The following ICE2 variants were observed in gnomAD, a reference collection of about 807,000 sequenced individuals.
ICE2 encodes interactor of little elongation complex ELL subunit 2.
A neutral mutation model predicts 105.4 loss-of-function variants in ICE2; 87 were observed. The ratio of observed to expected loss-of-function variants is 0.83; its 90% confidence interval spans 0.69 to 0.99. ICE2 has a LOEUF of 0.99. ICE2 is among the 50% of genes least tolerant of loss of function. ICE2 has a pLI of 0.00. For synonymous variants in ICE2, 399 were observed against 392.0 expected, an observed-to-expected ratio of 1.02 and a Z score of -0.21; for missense variants, 1,323 against 1,146.7, an observed-to-expected ratio of 1.15 and a Z score of -2.22.
intron 5 of ICE2, among the ~76,000 whole-genome samples, chr15:60,463,701 C>A (rs2064342518): frequency 6.6e-6 from 1 of 152,180 alleles, no homozygotes; most frequent in Non-Finnish European, 1.5e-5. Flanking sequence ...ACCCTGGAGG[C>A]AGAGGTTGCA....
In ICE2 at chr15:60,428,539, C is replaced by A; in HGVS notation, c.2710G>T (p.Val904Phe). 1 of 1,614,074 alleles carries A rather than the reference C, an allele frequency of 6.2e-7. No individual in the cohort carries two copies. The highest frequency in any genetic ancestry group is 1.1e-5 in the South Asian group (1 of 91,068). Reference sequence around the variant, plus strand: ...CTGGGATCTAATGGGACCCAGGGAACTGAGAGACTGGAAGGTACACCAGGA... The same window carrying A: ...CTGGGATCTAATGGGACCCAGGGAAATGAGAGACTGGAAGGTACACCAGGA... ...GLPGVPSSLS[V>F]PWVPLDPSLL... is the part of the protein sequence containing the mutation. Residue 904 changes from valine to phenylalanine, a missense_variant, in exon 15 of 16, where the codon GTT (valine) becomes TTT (phenylalanine). Val to Phe is a conservative substitution (Grantham distance 50). Transcript: ENST00000261520.
At chr15:60,441,053 T>C (rs2063709144) in intron 12 of ICE2, 1 of 152,186 alleles carries the variant, frequency 6.6e-6, no homozygotes, top group African/African-American at 2.4e-5. Context: ...CTCCATTCTC[T>C]GTCAGTACTT....
At chr15:60,472,919 A>C (rs1168741824) in intron 3 of ICE2, among the ~76,000 whole-genome samples, 1 of 152,054 alleles carries the variant, frequency 6.6e-6, no homozygotes, top group African/African-American at 2.4e-5. Context: ...AGTTCAAATA[A>C]GTTGTTTTTT....
At chr15:60,438,223 T>C (rs1458172384) in intron 12 of ICE2, 1 of 152,176 alleles carries the variant, frequency 6.6e-6, no homozygotes, top group Admixed American at 6.5e-5. Flanking sequence ...GATGAGAATA[T>C]AAGACGTATC....
chr15:60,456,353 G>C (rs949618130), intron 6 of ICE2, among the ~76,000 whole-genome samples: 7 of 149,282 alleles, frequency 4.7e-5, no homozygotes, highest in African/African-American at 9.8e-5. Context: ...GACCAGCCTG[G>C]CCAACATGGT....
At chr15:60,463,163 T>C (rs1004547139) in intron 5 of ICE2, among the ~76,000 whole-genome samples, 3 of 152,220 alleles carry the variant, frequency 2.0e-5, no homozygotes, top group African/African-American at 7.2e-5. Flanking sequence ...TATGCATCTT[T>C]AATTCATTAC....
chr15:60,452,914 C>T, intron 9 of ICE2: 1 of 985,408 alleles, frequency 1.0e-6, no homozygotes, highest in Non-Finnish European at 1.2e-6. Context: ...TTAAGCTCAC[C>T]TGTTCCTTTT....
intron 12 of ICE2, 101 bp downstream of exon 12, chr15:60,442,314 CG>C (rs1227581786): frequency 1.8e-6 from 2 of 1,099,590 alleles, no homozygotes; most frequent in Non-Finnish European, 2.6e-6. Flanking sequence ...TAAATAAAAA[CG>C]AAAGTAAAAA....
In ICE2 at chr15:60,449,702, G is replaced by A; in HGVS notation, c.1265C>T (p.Thr422Ile). The A allele has an allele frequency of 1.2e-6, 2 of 1,614,146 alleles. No individual in the cohort carries two copies. The highest frequency in any genetic ancestry group is 2.2e-5 in the East Asian group (1 of 44,888). The change falls in exon 10 of 16, where the codon ACT becomes ATT. Residue 422 changes from threonine (T) to isoleucine (I), a missense_variant. Coordinates refer to ENST00000261520, the MANE Select transcript of ICE2 (RefSeq NM_024611.6). ...KVSKSPSPAS[T>I]STVPNMTDAP... ...ATCTGTCATGTTAGGTACTGTGGAA[G>A]TACTTGCTGGACTTGGTGATTTTGA... is the stretch of plus-strand genomic sequence containing the variant.
At chr15:60,466,409 T>C (rs1403741487) in intron 5 of ICE2, among the ~76,000 whole-genome samples, 185 bp downstream of exon 5, 1 of 152,216 alleles carries the variant, frequency 6.6e-6, no homozygotes, top group Admixed American at 6.5e-5. Flanking sequence ...AAAAATATAC[T>C]ATAGTACACA....
chr15:60,456,580 T>TACACAC lies in ICE2; in HGVS notation c.666+76_666+77insGTGTGT, dbSNP rs878893449. On this transcript the variant is annotated intron_variant, in intron 6 of 15. Transcript: ENST00000261520. ...ATAAATAAATAAATATATATATATA[T>TACACAC]ATATACACACACACACACACACACA... 661 of 118,694 alleles carry TACACAC rather than the reference T, an allele frequency of 5.6e-3. 3 individuals are homozygous for TACACAC. Among genetic ancestry groups the TACACAC allele is most frequent in the East Asian group, 0.023 (49 of 2,174 alleles). 7.4% of individuals were successfully genotyped at this position (118,694 alleles called of 1,614,324 possible).
At position 60,468,434 on chromosome 15, in the gene ICE2, A is replaced by G. The variant is rs958103707; in HGVS notation, c.147-112T>C. The stretch of plus-strand genomic sequence containing the variant: ...GAATATAGCGTGATTAACAGAGTAA[A>G]CTCTGGATTATTATCTAACTCTGCC... On this transcript the variant is annotated intron_variant, in intron 3 of 15. Coordinates refer to ENST00000261520, the MANE Select transcript of ICE2 (RefSeq NM_024611.6). 19 of 805,844 alleles carry G rather than the reference A, an allele frequency of 2.4e-5. No homozygotes were observed. The African/African-American group carries it at 2.4e-4, about 10-fold the overall frequency. 49.9% of individuals were successfully genotyped at this position (805,844 alleles called of 1,614,324 possible).
At chr15:60,431,124 G>A (rs1003522701) in intron 14 of ICE2, among the ~76,000 whole-genome samples, 6 of 151,774 alleles carry the variant, frequency 4.0e-5, no homozygotes, top group Admixed American at 3.9e-4. Flanking sequence ...CGCCTACCTC[G>A]GCCTCCCAAA....
At chr15:60,437,422 C>T (rs1379531592) in intron 12 of ICE2, among the ~76,000 whole-genome samples, 1 of 151,596 alleles carries the variant, frequency 6.6e-6, no homozygotes, top group Non-Finnish European at 1.5e-5. Context: ...GCAACTTCTG[C>T]CTCCTCAGTT....
At position 60,468,041 on chromosome 15, in the gene ICE2, C is replaced by G. The variant is rs762378513; in HGVS notation, c.408+20G>C. 1.3e-6 allele frequency: 2 copies of G among 1,482,188 alleles called. No homozygotes were observed. The highest frequency in any genetic ancestry group is 1.8e-6 in the Non-Finnish European group (2 of 1,110,040). 91.8% of individuals were successfully genotyped at this position (1,482,188 alleles called of 1,614,324 possible). ...TAATTTTTATTATTTTTTCCTGAAA[C>G]TGAAGAACACAATACATACCAAGTA... is the stretch of plus-strand genomic sequence containing the variant. On this transcript the variant is annotated intron_variant, in intron 4 of 15. Coordinates refer to ENST00000261520, the MANE Select transcript of ICE2 (RefSeq NM_024611.6).
chr15:60,448,798 G>T (rs1566985073), intron 10 of ICE2, 50 bp downstream of exon 10: 1 of 1,483,930 alleles, frequency 6.7e-7, no homozygotes, highest in East Asian at 2.3e-5. Flanking sequence ...AAAAACCTAA[G>T]GAAAAAGAAC....
chr15:60,445,605 T>A lies in ICE2; in HGVS notation c.2295+2365A>T, dbSNP rs915703818. ...TTTAGGGTGTGACTATTTTGACATA[T>A]TTTGATGAAGAATGAATTTTCTTCT... On this transcript the variant is annotated intron_variant, in intron 11 of 15. Transcript: ENST00000261520. 3.1e-6 allele frequency: 3 copies of A among 969,954 alleles called. No homozygotes were observed. In the African/African-American group the frequency reaches 5.3e-5, roughly 17 times the overall value. The allele number at this position is 969,954 out of a possible 1,614,324, so 60.1% of individuals were successfully genotyped here. A position where few individuals can be genotyped will look rare whatever the true frequency, so the allele number is the denominator to read the frequency against.
chr15:60,468,831 A>G (rs906102859), intron 3 of ICE2, among the ~76,000 whole-genome samples: 2 of 152,226 alleles, frequency 1.3e-5, no homozygotes, highest in African/African-American at 2.4e-5. Flanking sequence ...AGAAAATTCT[A>G]ACATTATGCA....
intron 5 of ICE2, among the ~76,000 whole-genome samples, chr15:60,461,962 G>A (rs1262262776): frequency 6.6e-6 from 1 of 152,058 alleles, no homozygotes. Context: ...GCTTACAAAG[G>A]ATAATAATCG....
Sources: allele counts gnomAD v4.1 joint callset (sites outside exome capture counted in the v4.1 genomes callset), GRCh38; gene constraint gnomAD v4.1.1; transcripts MANE v1.5; gene names NCBI Gene and HGNC (gene_info 2026-07-23, HGNC 2026-07-21).